The following DIP2C variants were observed in gnomAD, a reference collection of about 807,000 sequenced individuals.
DIP2C encodes the protein disco-interacting protein 2 homolog C.
A neutral mutation model predicts 192.4 loss-of-function variants in DIP2C; 33 were observed. The observed-to-expected ratio is 0.17, with a 90% CI of 0.13 to 0.23. The LOEUF is 0.23. DIP2C is among the 10% of genes least tolerant of loss of function. The pLI, the probability that DIP2C is intolerant of heterozygous loss-of-function variation, is 1.00. For synonymous variants in DIP2C, 979 were observed against 864.1 expected (o/e 1.13, Z -2.33); for missense variants, 1,537 against 2,110.1 (o/e 0.73, Z 5.32).
At chr10:303,983 C>T (rs940097348) in intron 32 of DIP2C, among the ~76,000 whole-genome samples, 6 of 152,132 alleles carry the variant, frequency 3.9e-5, no homozygotes, top group South Asian at 2.1e-4. Flanking sequence ...TGCACAGAGC[C>T]GTCATCTTCT....
chr10:461,174 T>C (rs752733860), intron 3 of DIP2C, among the ~76,000 whole-genome samples: 1 of 152,208 alleles, frequency 6.6e-6, no homozygotes, highest in Non-Finnish European at 1.5e-5. Context: ...AGCATCATAA[T>C]GACAGGATCG....
intron 32 of DIP2C, among the ~76,000 whole-genome samples, chr10:299,813 AAACC>A (rs1265500653): frequency 6.6e-6 from 1 of 152,204 alleles, no homozygotes; most frequent in Non-Finnish European, 1.5e-5. Flanking sequence ...AACTAAATGC[AAACC>A]AAACAAAGAA....
intron 28 of DIP2C, among the ~76,000 whole-genome samples, 165 bp from the exon 29 acceptor site, chr10:341,494 A>C (rs1445838253): frequency 6.7e-6 from 1 of 148,996 alleles, no homozygotes; most frequent in African/African-American, 2.5e-5. Context: ...GCTGTTTTGA[A>C]CGCATCGGAC....
In DIP2C at chr10:681,019, C is replaced by T. The variant is rs893393041; in HGVS notation, c.85+8475G>A. ...CACGGAAATTCCAAGGAATGCAGGC[C>T]CCAGTTGCATGGTACAGCTACCGCC... is the stretch of plus-strand genomic sequence containing the variant. On this transcript the variant is annotated intron_variant, in intron 1 of 36. Transcript: ENST00000280886. 5.3e-5 allele frequency among the ~76,000 whole-genome samples: 8 copies of T among 151,246 alleles called. No homozygotes were observed. The East Asian group carries it at 1.5e-3, about 29-fold the overall frequency.
At chr10:643,228 A>T (rs1485337951) in intron 1 of DIP2C, among the ~76,000 whole-genome samples, 1 of 119,990 alleles carries the variant, frequency 8.3e-6, no homozygotes, top group African/African-American at 3.3e-5. Flanking sequence ...AAAAAAAAAA[A>T]AACAGGCCGG....
intron 1 of DIP2C, among the ~76,000 whole-genome samples, chr10:581,302 C>T (rs1850641355): frequency 6.6e-6 from 1 of 152,212 alleles, no homozygotes; most frequent in African/African-American, 2.4e-5. Context: ...ACCCAACTTT[C>T]TAAATGAGAG....
At chr10:289,164 G>A (rs998137193) in intron 32 of DIP2C, among the ~76,000 whole-genome samples, 1 of 152,162 alleles carries the variant, frequency 6.6e-6, no homozygotes, top group African/African-American at 2.4e-5. Context: ...GTGCTTGAAG[G>A]CTTGAAGATG....
At chr10:444,532 G>A (rs4880678) in intron 3 of DIP2C, among the ~76,000 whole-genome samples, 63,644 of 150,138 alleles carry the variant, frequency 0.42, 14,956 homozygotes, top group East Asian at 0.63. Context: ...GTGCTCTTCC[G>A]TCACCCGAGA....
intron 17 of DIP2C, among the ~76,000 whole-genome samples, chr10:372,838 G>A (rs1961153886): frequency 6.6e-6 from 1 of 152,194 alleles, no homozygotes; most frequent in Non-Finnish European, 1.5e-5. Context: ...CTGACACACT[G>A]GCAGCCTCAC....
intron 3 of DIP2C, among the ~76,000 whole-genome samples, chr10:447,721 A>G (rs1315599917): frequency 1.9e-5 from 1 of 52,638 alleles, no homozygotes; most frequent in African/African-American, 1.0e-4. Context: ...GCTCACTCCC[A>G]CTGATGCTCA....
intron 1 of DIP2C, among the ~76,000 whole-genome samples, chr10:608,129 CAA>C (rs1564262166): frequency 2.3e-4 from 27 of 116,982 alleles, no homozygotes; most frequent in African/African-American, 1.4e-3. Context: ...CACACAGCCC[CAA>C]CACACACACA....
intron 32 of DIP2C, among the ~76,000 whole-genome samples, chr10:305,063 ACT>A (rs199820769): frequency 0.018 from 2,789 of 151,840 alleles, 69 homozygotes; most frequent in African/African-American, 0.064. Flanking sequence ...CACACACTAC[ACT>A]CATGCACATG....
At chr10:606,488 T>C (rs1852488091) in intron 1 of DIP2C, among the ~76,000 whole-genome samples, 1 of 151,098 alleles carries the variant, frequency 6.6e-6, no homozygotes, top group Admixed American at 6.6e-5. Context: ...TGATCTGAAT[T>C]CTCATTGGTT....
chr10:318,151 G>A (rs1056529162), intron 31 of DIP2C, among the ~76,000 whole-genome samples: 2 of 152,182 alleles, frequency 1.3e-5, no homozygotes, highest in African/African-American at 4.8e-5. Context: ...GCGAAAGGGA[G>A]GGGTGGGAGC....
chr10:518,972 C>T (rs986035967), intron 1 of DIP2C, among the ~76,000 whole-genome samples: 1 of 152,248 alleles, frequency 6.6e-6, no homozygotes, highest in African/African-American at 2.4e-5. Flanking sequence ...CATGCCAGCT[C>T]TGCATCTGCA....
intron 1 of DIP2C, among the ~76,000 whole-genome samples, chr10:654,945 T>C (rs944706094): frequency 3.9e-5 from 6 of 152,198 alleles, no homozygotes; most frequent in South Asian, 2.1e-4. Flanking sequence ...TTCTATACTA[T>C]TTTCTTCTAT....
intron 32 of DIP2C, among the ~76,000 whole-genome samples, chr10:306,737 A>G (rs1446087672): frequency 1.3e-5 from 2 of 152,212 alleles, no homozygotes; most frequent in African/African-American, 2.4e-5. Context: ...CCGGTGGATC[A>G]GAAGAGGTGA....
chr10:314,218 A>G (rs1956678320), intron 31 of DIP2C, among the ~76,000 whole-genome samples: 1 of 152,220 alleles, frequency 6.6e-6, no homozygotes, highest in Non-Finnish European at 1.5e-5. Context: ...AGAAGCCTTA[A>G]TGATGTACTC....
chr10:383,831 G>A (rs1184628760), intron 16 of DIP2C, among the ~76,000 whole-genome samples, 196 bp downstream of exon 16: 1 of 152,046 alleles, frequency 6.6e-6, no homozygotes, highest in Non-Finnish European at 1.5e-5. Context: ...CTTGGCCCGA[G>A]TGAGTGATTA....
Sources: gnomAD v4.1 joint callset for allele counts (sites outside exome capture counted in the v4.1 genomes callset) on GRCh38, gnomAD v4.1.1 for gene constraint, MANE v1.5 for transcripts, NCBI Gene and HGNC (gene_info 2026-07-23, HGNC 2026-07-21) for gene names.